Variants in LRIG1 observed in about 807,000 individuals in gnomAD.
The protein encoded by LRIG1 is leucine rich repeats and immunoglobulin like domains 1.
In LRIG1, 48 loss-of-function variants were observed where a neutral mutation model predicts 99.2. The ratio of observed to expected loss-of-function variants is 0.48; its 90% confidence interval spans 0.38 to 0.62. LRIG1 has a LOEUF of 0.62. Ranked by LOEUF, LRIG1 falls within the 20% of genes least tolerant of loss-of-function variation. The probability of loss-of-function intolerance (pLI) is 0.00; values close to 1 mark genes in which losing one functional copy is unlikely to be tolerated. For synonymous variants in LRIG1, 772 were observed against 596.1 expected, an observed-to-expected ratio of 1.29 and a Z score of -4.30; for missense variants, 1,646 against 1,434.4, an observed-to-expected ratio of 1.15 and a Z score of -2.38.
At position 66,379,003 on chromosome 3, in the gene LRIG1, G is replaced by C. The variant is rs1040201942; in HGVS notation, c.*1260C>G. On this transcript the variant is annotated 3_prime_UTR_variant, in exon 19 of 19. Coordinates refer to ENST00000273261, the MANE Select transcript of LRIG1 (RefSeq NM_015541.3). ...TGGAAGTAAGATTAGTCAGTTAACT[G>C]TCAAGAACAAAATTCTAAATGTGCT... 2 of 152,644 alleles carry C rather than the reference G, an allele frequency of 1.3e-5. No individual in the cohort carries two copies. Among genetic ancestry groups the C allele is most frequent in the Non-Finnish European group, 2.9e-5 (2 of 68,048 alleles). 9.5% of individuals were successfully genotyped at this position (152,644 alleles called of 1,614,324 possible).
chr3:66,495,781 C>A (rs538615226), intron 1 of LRIG1, among the ~76,000 whole-genome samples: 1 of 152,328 alleles, frequency 6.6e-6, no homozygotes, highest in East Asian at 1.9e-4. Context: ...TTAAGTCACA[C>A]AAAACCCCAG....
intron 3 of LRIG1, among the ~76,000 whole-genome samples, chr3:66,432,819 T>C (rs1168015935): frequency 6.6e-6 from 1 of 152,104 alleles, no homozygotes; most frequent in Non-Finnish European, 1.5e-5. Flanking sequence ...GGGATAACCC[T>C]ACACTGGGGC....
At chr3:66,429,884 A>C (rs1048959571) in intron 3 of LRIG1, among the ~76,000 whole-genome samples, 6 of 151,988 alleles carry the variant, frequency 3.9e-5, no homozygotes, top group African/African-American at 1.5e-4. Context: ...GTAAACTTAC[A>C]ACTGCTATAA....
chr3:66,407,487 G>C lies in LRIG1; in HGVS notation c.940C>G (p.Leu314Val), dbSNP rs773082655. Residue 314 changes from leucine (L) to valine (V), a missense_variant, in exon 8 of 19, where the codon CTG (leucine) becomes GTG (valine). Coordinates refer to ENST00000273261, the MANE Select transcript of LRIG1 (RefSeq NM_015541.3). ...SFCQKLHELV[L>V]SFNNLTRLDE... is the part of the protein sequence containing the mutation. ...AGCCGTGTCAGGTTGTTGAAGGACA[G>C]GACCCTGAGGAAAGGGAGGGCAGCA... 12 of 1,613,804 alleles carry C rather than the reference G, an allele frequency of 7.4e-6. No homozygotes were observed. The East Asian group carries it at 1.1e-4, about 15-fold the overall frequency.
At chr3:66,486,444 A>G (rs1168117626) in intron 1 of LRIG1, among the ~76,000 whole-genome samples, 1 of 152,156 alleles carries the variant, frequency 6.6e-6, no homozygotes, top group African/African-American at 2.4e-5. Context: ...CCTGGAATGC[A>G]GGACTCTGAG....
rs1468372460 is a variant in LRIG1, at chr3:66,398,187, A to C, written c.1233-4T>G. 1 of 1,612,474 alleles carries C rather than the reference A, an allele frequency of 6.2e-7. No individual in the cohort carries two copies. Among genetic ancestry groups the C allele is most frequent in the African/African-American group, 1.3e-5 (1 of 74,914 alleles). On this transcript the variant is annotated splice_polypyrimidine_tract_variant and splice_region_variant and intron_variant, in intron 10 of 18. Coordinates refer to ENST00000273261, the MANE Select transcript of LRIG1 (RefSeq NM_015541.3). Reference sequence around the variant, plus strand: ...GATCGCATTCCCTCCAAGGTTCCTGAAACAGAACATACATTACTTATGCAA... The same window carrying C: ...GATCGCATTCCCTCCAAGGTTCCTGCAACAGAACATACATTACTTATGCAA...
At chr3:66,388,787 T>C (rs1701500491) in intron 12 of LRIG1, among the ~76,000 whole-genome samples, 1 of 152,198 alleles carries the variant, frequency 6.6e-6, no homozygotes, top group Non-Finnish European at 1.5e-5. Context: ...AATTAAAACA[T>C]TCCGATGTTT....
At chr3:66,485,101 TG>T (rs1700941530) in intron 1 of LRIG1, among the ~76,000 whole-genome samples, 1 of 148,864 alleles carries the variant, frequency 6.7e-6, no homozygotes. Context: ...AAGGTTGCAG[TG>T]AGTCAAGATC....
At position 66,398,057 on chromosome 3, in the gene LRIG1, T is replaced by G. The variant is rs1168995522; in HGVS notation, c.1304+55A>C. 2.1e-6 allele frequency: 3 copies of G among 1,399,204 alleles called. No homozygotes were observed. In the African/African-American group the frequency reaches 4.3e-5, roughly 20 times the overall value. 86.7% of individuals were successfully genotyped at this position (1,399,204 alleles called of 1,614,324 possible). On this transcript the variant is annotated intron_variant, in intron 11 of 18. Coordinates refer to ENST00000273261, the MANE Select transcript of LRIG1 (RefSeq NM_015541.3). ...AGCATAATGCAATTGCAGAAGTTTC[T>G]TACTCTGAAAGTCTCCACTACCATT...
At chr3:66,387,883 G>A (rs74578384) in intron 12 of LRIG1, 2 of 149,960 alleles carry the variant, frequency 1.3e-5, no homozygotes, top group Non-Finnish European at 3.0e-5. Flanking sequence ...GGATCATGAG[G>A]TCAGGAGATC....
In LRIG1 at chr3:66,430,184, CAACAACA is replaced by C. The variant is rs1434812396; in HGVS notation, c.366-12925_366-12919del. Among the ~76,000 whole-genome samples, 23 of 129,000 alleles carry C rather than the reference CAACAACA, an allele frequency of 1.8e-4. No homozygotes were observed. The East Asian group carries it at 0.011, about 60-fold the overall frequency. The allele number at this position is 129,000 out of a possible 152,430, so 84.6% of individuals were successfully genotyped here. A position where few individuals can be genotyped will look rare whatever the true frequency, so the allele number is the denominator to read the frequency against. On this transcript the variant is annotated intron_variant, in intron 3 of 18. Transcript: ENST00000273261. ...GAAAAACAAAACAAAACAACAACAA[CAACAACA>C]AAAAAAAAACACTGAGGCAGGACCA...
At chr3:66,398,745 C>G (rs866343385) in intron 10 of LRIG1, among the ~76,000 whole-genome samples, 13 of 152,204 alleles carry the variant, frequency 8.5e-5, no homozygotes, top group Non-Finnish European at 1.2e-4. Context: ...CAAATACCAA[C>G]TGAATTAACT....
intron 11 of LRIG1, among the ~76,000 whole-genome samples, chr3:66,396,401 C>T (rs1701851286): frequency 6.6e-6 from 1 of 152,234 alleles, no homozygotes; most frequent in Non-Finnish European, 1.5e-5. Context: ...TTCACGATTC[C>T]AACTCAAAGT....
intron 12 of LRIG1, among the ~76,000 whole-genome samples, chr3:66,392,665 G>A (rs1559772917): frequency 6.6e-6 from 1 of 152,104 alleles, no homozygotes; most frequent in Non-Finnish European, 1.5e-5. Flanking sequence ...AACAACTCTT[G>A]CAATCCAGAA....
intron 12 of LRIG1, 34 bp downstream of exon 12, chr3:66,393,995 CTTGTCCTTCAT>C: frequency 6.2e-7 from 1 of 1,602,550 alleles, no homozygotes; most frequent in East Asian, 2.2e-5. Flanking sequence ...TCCTGGCTTC[CTTGTCCTTCAT>C]GAAGGAGAGA....
At chr3:66,418,707 C>T (rs2106701344) in intron 3 of LRIG1, among the ~76,000 whole-genome samples, 1 of 152,310 alleles carries the variant, frequency 6.6e-6, no homozygotes, top group Non-Finnish European at 1.5e-5. Context: ...GCGTCGCTTA[C>T]CAAGTGGCAT....
At chr3:66,499,655 C>G (rs1041584664) in intron 1 of LRIG1, among the ~76,000 whole-genome samples, 1 of 152,144 alleles carries the variant, frequency 6.6e-6, no homozygotes, top group Non-Finnish European at 1.5e-5. Context: ...GAGACGGCTA[C>G]ACACACTATC....
chr3:66,500,310 G>A lies in LRIG1; in HGVS notation c.98C>T (p.Ala33Val), dbSNP rs868182061. ...GCAGGGCGCCCGCGGGCCGGCCGCG[G>A]CGGTCACCGGCTCCAGCCGAAGCAA... ...LLLLRLEPVT[A>V]AAGPRAPCAA... is the part of the protein sequence containing the mutation. Residue 33 changes from alanine (A) to valine (V), a missense_variant, in exon 1 of 19, where the codon GCC (alanine) becomes GTC (valine). Transcript: ENST00000273261. 1 of 1,478,024 alleles carries A rather than the reference G, an allele frequency of 6.8e-7. No homozygotes were observed. The highest frequency in any genetic ancestry group is 8.9e-7 in the Non-Finnish European group (1 of 1,118,818). 91.6% of individuals were successfully genotyped at this position (1,478,024 alleles called of 1,614,324 possible).
chr3:66,499,858 C>G (rs1419759572), intron 1 of LRIG1, among the ~76,000 whole-genome samples: 9 of 141,156 alleles, frequency 6.4e-5, no homozygotes, highest in African/African-American at 2.4e-4. Context: ...CAAACACACT[C>G]AGCTCCAGAC....
Sources: gnomAD v4.1 joint callset for allele counts (sites outside exome capture counted in the v4.1 genomes callset) on GRCh38, gnomAD v4.1.1 for gene constraint, MANE v1.5 for transcripts, NCBI Gene and HGNC (gene_info 2026-07-23, HGNC 2026-07-21) for gene names.